Variants in AIG1 observed in about 807,000 individuals in gnomAD.
The protein encoded by AIG1 is androgen induced 1, also known as androgen-induced gene 1 protein.
In AIG1, 23 loss-of-function variants were observed where a neutral mutation model predicts 31.4. The ratio of observed to expected loss-of-function variants is 0.73; its 90% CI spans 0.53 to 1.04. The LOEUF is 1.04. Among genes scored for constraint, AIG1 ranks in the 50% least tolerant of loss-of-function variants. The pLI is 0.00. For synonymous variants in AIG1, 100 were observed against 110.5 expected (o/e 0.90, Z 0.60); for missense variants, 274 against 295.0 (o/e 0.93, Z 0.52).
chr6:143,174,609 C>G (rs993051461), intron 3 of AIG1, among the ~76,000 whole-genome samples: 4 of 151,844 alleles, frequency 2.6e-5, no homozygotes, highest in Admixed American at 2.0e-4. Flanking sequence ...TCAGGTGAGT[C>G]TCCTGAAGAC....
chr6:143,342,511 A>G, downstream of AIG1: 1 of 803,274 alleles, frequency 1.2e-6, no homozygotes, highest in Admixed American at 1.7e-5. Context: ...ACAGTCTTTT[A>G]TCTTTCTCCC....
rs145653224 is a variant in AIG1, at chr6:143,259,352, G to C, written c.400-24758G>C. 5.3e-4 allele frequency among the ~76,000 whole-genome samples: 80 copies of C among 152,212 alleles called. 1 individual carries two copies. The Middle Eastern group carries it at 0.01, about 19-fold the overall frequency. ...CTTTTCAGCAGCATTACATGCCATAGACCACTCTCTCCTTTTATTTTCTTC... is the reference window on the plus strand; with the variant it reads ...CTTTTCAGCAGCATTACATGCCATACACCACTCTCTCCTTTTATTTTCTTC... On this transcript the variant is annotated intron_variant, in intron 3 of 5. Coordinates refer to ENST00000357847, the MANE Select transcript of AIG1 (RefSeq NM_016108.4).
At chr6:143,136,268 T>A (rs1038501086) in intron 1 of AIG1, among the ~76,000 whole-genome samples, 18 of 152,202 alleles carry the variant, frequency 1.2e-4, no homozygotes, top group African/African-American at 4.1e-4. Flanking sequence ...TTACATTCAG[T>A]CGATTTTTTT....
At chr6:143,295,820 G>A (rs1798386394) in intron 4 of AIG1, among the ~76,000 whole-genome samples, 3 of 151,886 alleles carry the variant, frequency 2.0e-5, no homozygotes, top group African/African-American at 7.3e-5. Flanking sequence ...TGCCCCCAAA[G>A]TCCCCTCCCT....
Position 143,334,394 on chromosome 6 carries a change from AGTGCATGGTTACT to A in AIG1, c.679+964_679+976del, listed in dbSNP as rs1198484286. 3.3e-5 allele frequency among the ~76,000 whole-genome samples: 5 copies of A among 152,238 alleles called. No homozygotes were observed. Among genetic ancestry groups the A allele is most frequent in the Non-Finnish European group, 7.3e-5 (5 of 68,032 alleles). Reference sequence around the variant, plus strand: ...GGAATCAGACAAATAACGCACAGTGAGTGCATGGTTACTGTGCATGGTTACTGAATCAGACTTT... The same window carrying A: ...GGAATCAGACAAATAACGCACAGTGAGTGCATGGTTACTGAATCAGACTTT... On this transcript the variant is annotated intron_variant, in intron 5 of 5. Transcript: ENST00000357847. The surrounding 1 kb of genome is among the most constrained non-coding windows in gnomAD (Gnocchi z 5.1).
chr6:143,066,969 A>T (rs1202389840), intron 1 of AIG1, among the ~76,000 whole-genome samples: 3 of 152,190 alleles, frequency 2.0e-5, no homozygotes, highest in African/African-American at 7.2e-5. Context: ...CAGGAGTTCG[A>T]GACCAGCCTG....
intron 2 of AIG1, among the ~76,000 whole-genome samples, chr6:143,151,317 G>A (rs1193450997): frequency 6.6e-6 from 1 of 152,076 alleles, no homozygotes; most frequent in Non-Finnish European, 1.5e-5. Flanking sequence ...AGACATTCAT[G>A]TTCTAAATGT....
chr6:143,175,981 T>G (rs568429583), intron 3 of AIG1, among the ~76,000 whole-genome samples: 23 of 152,324 alleles, frequency 1.5e-4, no homozygotes, highest in African/African-American at 5.3e-4. Flanking sequence ...GTTCAGATTC[T>G]TTGGTCCCTC....
rs748363343 is a variant in AIG1, at chr6:143,338,203, CAT to C, written c.680-1435_680-1434del. On this transcript the variant is annotated intron_variant, in intron 5 of 5. Coordinates refer to ENST00000357847, the MANE Select transcript of AIG1 (RefSeq NM_016108.4). The surrounding 1 kb of genome is among the most constrained non-coding windows in gnomAD (Gnocchi z 4.3). ...ATGGACAGAGCTGAGGTTCAAGACA[CAT>C]GTGCTGTTTGAGCTGAATCTGTGCT... The C allele has an allele frequency of 4.0e-4, 159 of 394,846 alleles. No homozygotes were observed. The highest frequency in any genetic ancestry group is 5.4e-4 in the Non-Finnish European group (121 of 224,188). The allele number at this position is 394,846 out of a possible 1,614,324, so 24.5% of individuals were successfully genotyped here.
intron 1 of AIG1, among the ~76,000 whole-genome samples, chr6:143,100,460 G>A (rs1376199235): frequency 6.6e-6 from 1 of 152,130 alleles, no homozygotes; most frequent in African/African-American, 2.4e-5. Context: ...ACTGATATTT[G>A]TCCATAGCTT....
rs1247808993 is a variant in AIG1 at position 143,338,935 on chromosome 6, C to G, written c.680-704C>G. 6.6e-6 allele frequency: 1 copy of G among 152,078 alleles called. No homozygotes were observed. The highest frequency in any genetic ancestry group is 2.1e-4 in the South Asian group (1 of 4,820). 9.4% of individuals were successfully genotyped at this position (152,078 alleles called of 1,614,324 possible). A position where few individuals can be genotyped will look rare whatever the true frequency, so the allele number is the denominator to read the frequency against. On this transcript the variant is annotated intron_variant, in intron 5 of 5. Coordinates refer to ENST00000357847, the MANE Select transcript of AIG1 (RefSeq NM_016108.4). The surrounding 1 kb of genome is among the most constrained non-coding windows in gnomAD (Gnocchi z 4.3). ...CACTTGCCAGATTTAACTATAATTC[C>G]TAAAAATGATGAACATTTTCATCTT...
chr6:143,251,446 C>CAGAGCTCT (rs771064423), intron 3 of AIG1, among the ~76,000 whole-genome samples: 9 of 152,092 alleles, frequency 5.9e-5, no homozygotes, highest in Non-Finnish European at 1.2e-4. Context: ...TGGAAGTCTC[C>CAGAGCTCT]AGAGCTCTTA....
intron 4 of AIG1, among the ~76,000 whole-genome samples, chr6:143,290,995 G>T (rs1009042428): frequency 6.6e-6 from 1 of 152,102 alleles, no homozygotes; most frequent in Non-Finnish European, 1.5e-5. Context: ...TTGGATCTAG[G>T]GGAGCTGTTG....
At position 143,293,208 on chromosome 6, in the gene AIG1, C is replaced by G. The variant is rs138620765; in HGVS notation, c.515+8983C>G. Among the ~76,000 whole-genome samples the G allele has an allele frequency of 4.8e-3, 727 of 152,244 alleles. 2 individuals carry two copies. Among genetic ancestry groups the G allele is most frequent in the African/African-American group, 0.017 (691 of 41,540 alleles). On this transcript the variant is annotated intron_variant, in intron 4 of 5. Transcript: ENST00000357847. The surrounding 1 kb of genome is among the most constrained non-coding windows in gnomAD (Gnocchi z 4.8). ...GCTCATTTTCTTTTTTTCTCTCTCT[C>G]TCTTCCCCGCCACCCTTATTTTATT...
chr6:143,198,779 A>C (rs184878892), intron 3 of AIG1, among the ~76,000 whole-genome samples: 1 of 152,298 alleles, frequency 6.6e-6, no homozygotes, highest in African/African-American at 2.4e-5. Flanking sequence ...ATGACCCAAA[A>C]ATTGCACACA....
chr6:143,144,060 G>T (rs1719145917), intron 2 of AIG1, among the ~76,000 whole-genome samples: 1 of 152,146 alleles, frequency 6.6e-6, no homozygotes, highest in Non-Finnish European at 1.5e-5. Flanking sequence ...GAGAACCAAA[G>T]ATTTTCTGCT....
chr6:143,186,496 G>A (rs1268865696), intron 3 of AIG1, among the ~76,000 whole-genome samples: 1 of 152,126 alleles, frequency 6.6e-6, no homozygotes, highest in Admixed American at 6.5e-5. Context: ...ATTGGCTCTG[G>A]TAATATAGCT....
At chr6:143,315,457 T>C (rs752997311) in intron 4 of AIG1, among the ~76,000 whole-genome samples, 12 of 151,584 alleles carry the variant, frequency 7.9e-5, no homozygotes, top group Non-Finnish European at 1.3e-4. Context: ...TATTGTGGAG[T>C]TGGAAAAAGA....
intron 3 of AIG1, among the ~76,000 whole-genome samples, chr6:143,274,764 A>G (rs1796775435): frequency 6.6e-6 from 1 of 151,578 alleles, no homozygotes. Context: ...TCTGGAATCA[A>G]ATGTTGGCTA....
Sources: gnomAD v4.1 joint callset for allele counts (sites outside exome capture counted in the v4.1 genomes callset) on GRCh38, gnomAD v4.1.1 for gene constraint, Gnocchi (gnomAD v3.1) non-coding constraint, MANE v1.5 for transcripts, NCBI Gene and HGNC (gene_info 2026-07-23, HGNC 2026-07-21) for gene names.